Variants in EHMT1 observed in about 807,000 individuals in gnomAD.
EHMT1 encodes the protein euchromatic histone lysine methyltransferase 1, also known as histone-lysine N-methyltransferase EHMT1.
EHMT1 carries 15 observed loss-of-function variants against 147.2 expected under a neutral mutation model. The observed-to-expected ratio is 0.10, with a 90% confidence interval of 0.07 to 0.16. EHMT1 has a LOEUF of 0.16. Ranked by LOEUF, EHMT1 falls within the 10% of genes least tolerant of loss-of-function variation. The probability of loss-of-function intolerance (pLI) is 1.00; values close to 1 mark genes in which losing one functional copy is unlikely to be tolerated. For missense variants in EHMT1, 1,587 were observed against 1,772.4 expected, an observed-to-expected ratio of 0.90 and a Z score of 1.88; for synonymous variants, 795 against 709.6, an observed-to-expected ratio of 1.12 and a Z score of -1.91.
chr9:137,735,258 G>A (rs1486775858), intron 4 of EHMT1, among the ~76,000 whole-genome samples: 1 of 152,214 alleles, frequency 6.6e-6, no homozygotes, highest in East Asian at 1.9e-4. Context: ...AATGAAAGGG[G>A]TGGGAACAGA....
rs1954620444 is a variant in EHMT1, at chr9:137,813,039, A to G, written c.2901A>G (p.Leu967=). 6.2e-7 allele frequency: 1 copy of G among 1,614,014 alleles called. No homozygotes were observed. Among genetic ancestry groups the G allele is most frequent in the African/African-American group, 1.3e-5 (1 of 75,042 alleles). Residue 967 remains leucine (L), a synonymous_variant, in exon 20 of 27, where the codon TTA becomes TTG. Transcript: ENST00000460843. The surrounding 1 kb of genome is among the most constrained non-coding windows in gnomAD (Gnocchi z 4.9). Reference sequence around the variant, plus strand: ...TTTCTCGGGATTCAGATGTCACCTTAAAGAACAAGGAAGGAGAGACGCCCC... The same window carrying G: ...TTTCTCGGGATTCAGATGTCACCTTGAAGAACAAGGAAGGAGAGACGCCCC... The part of the protein sequence containing the change: ...LFLSRDSDVT[L]KNKEGETPLQ...
intron 1 of EHMT1, chr9:137,667,302 G>C (rs936057098): frequency 6.6e-6 from 1 of 152,220 alleles, no homozygotes; most frequent in African/African-American, 2.4e-5. Flanking sequence ...AATGTTAGCA[G>C]CTCCACCTGG....
intron 1 of EHMT1, among the ~76,000 whole-genome samples, chr9:137,704,780 C>T (rs1383366440): frequency 6.6e-6 from 1 of 150,920 alleles, no homozygotes; most frequent in Admixed American, 6.6e-5. Flanking sequence ...TCCCTCCCTC[C>T]CGCCTGCCTT....
intron 18 of EHMT1, among the ~76,000 whole-genome samples, chr9:137,806,079 C>G (rs1247318301): frequency 6.6e-6 from 1 of 151,844 alleles, no homozygotes; most frequent in Non-Finnish European, 1.5e-5. Flanking sequence ...CCTGCCTCAG[C>G]CTCCCAAGTA....
At chr9:137,748,966 T>TG (rs746712521) in intron 6 of EHMT1, among the ~76,000 whole-genome samples, 1 of 152,146 alleles carries the variant, frequency 6.6e-6, no homozygotes, top group Non-Finnish European at 1.5e-5. Context: ...TGACAGCTGG[T>TG]GCGGCAGCCA....
chr9:137,634,783 A>G (rs1589056159), intron 1 of EHMT1, among the ~76,000 whole-genome samples: 2 of 140,950 alleles, frequency 1.4e-5, no homozygotes, highest in Non-Finnish European at 3.0e-5. Context: ...GCTCACTGCA[A>G]CCTCTGCCTT....
intron 10 of EHMT1, among the ~76,000 whole-genome samples, chr9:137,768,194 G>C (rs1950335071): frequency 6.6e-6 from 1 of 152,090 alleles, no homozygotes; most frequent in Non-Finnish European, 1.5e-5. Context: ...GTTGTTACGT[G>C]AGACATGACT....
chr9:137,767,219 A>C (rs538115386), intron 10 of EHMT1, among the ~76,000 whole-genome samples: 6 of 152,320 alleles, frequency 3.9e-5, no homozygotes, highest in Non-Finnish European at 5.9e-5. Flanking sequence ...TCCTGCACTC[A>C]AGCAACCCTC....
chr9:137,671,417 A>G (rs984245564), intron 1 of EHMT1, among the ~76,000 whole-genome samples: 12 of 152,178 alleles, frequency 7.9e-5, no homozygotes, highest in African/African-American at 2.9e-4. Flanking sequence ...ATCACTTAAG[A>G]AAACATATAG....
rs1317817084 is a variant in EHMT1 at position 137,675,884 on chromosome 9, C to T, written c.22-35083C>T. ...CTGCAAGCTCCGCCTCCCGGGTTCA[C>T]GCCATTCTCCCGCCTCAGCCTCCCA... is the stretch of plus-strand genomic sequence containing the variant. On this transcript the variant is annotated intron_variant, in intron 1 of 26. Coordinates refer to ENST00000460843, the MANE Select transcript of EHMT1 (RefSeq NM_024757.5). 6.8e-5 allele frequency among the ~76,000 whole-genome samples: 10 copies of T among 146,182 alleles called. No individual in the cohort carries two copies. The South Asian group carries it at 8.7e-4, about 13-fold the overall frequency.
At chr9:137,729,249 G>GA (rs1312472615) in intron 4 of EHMT1, among the ~76,000 whole-genome samples, 1 of 152,202 alleles carries the variant, frequency 6.6e-6, no homozygotes, top group African/African-American at 2.4e-5. Flanking sequence ...TTCACTTGGG[G>GA]ATGATCACCT....
At chr9:137,774,535 C>T (rs1247506097) in intron 10 of EHMT1, among the ~76,000 whole-genome samples, 2 of 119,102 alleles carry the variant, frequency 1.7e-5, no homozygotes, top group Non-Finnish European at 3.4e-5. Context: ...GATGTGGTCG[C>T]GTCTGGCCCC....
At chr9:137,700,044 C>A (rs1313333942) in intron 1 of EHMT1, among the ~76,000 whole-genome samples, 4 of 152,144 alleles carry the variant, frequency 2.6e-5, no homozygotes, top group Admixed American at 1.3e-4. Flanking sequence ...AAATGTATAT[C>A]ATCATGTGGA....
chr9:137,630,366 G>A (rs1404981779), intron 1 of EHMT1, among the ~76,000 whole-genome samples: 5 of 152,166 alleles, frequency 3.3e-5, no homozygotes, highest in Admixed American at 6.5e-5. Flanking sequence ...CAATTGCTGC[G>A]GCCACATGTG....
intron 1 of EHMT1, among the ~76,000 whole-genome samples, chr9:137,696,542 T>G (rs968270674): frequency 1.3e-5 from 2 of 152,166 alleles, no homozygotes; most frequent in African/African-American, 4.8e-5. Context: ...TGAAATGACG[T>G]TTTTAAATGT....
In EHMT1 at chr9:137,835,984, A is replaced by G. The variant is rs1956547656; in HGVS notation, c.*1031A>G. 1 of 152,298 alleles carries G rather than the reference A, an allele frequency of 6.6e-6. No individual in the cohort carries two copies. Among genetic ancestry groups the G allele is most frequent in the Non-Finnish European group, 1.5e-5 (1 of 67,964 alleles). The allele number at this position is 152,298 out of a possible 1,614,324, so 9.4% of individuals were successfully genotyped here. A position where few individuals can be genotyped will look rare whatever the true frequency, so the allele number is the denominator to read the frequency against. ...GTAACAGTGGGGTTTTTTTTGTGCA[A>G]CTCTTCTAAAAACATTCATAATGCA... On this transcript the variant is annotated 3_prime_UTR_variant, in exon 27 of 27. Coordinates refer to ENST00000460843, the MANE Select transcript of EHMT1 (RefSeq NM_024757.5).
chr9:137,721,492 ACC>A (rs1946033167), intron 3 of EHMT1, among the ~76,000 whole-genome samples: 1 of 44,600 alleles, frequency 2.2e-5, no homozygotes, highest in African/African-American at 1.1e-4. Context: ...CACGCCTCTC[ACC>A]TTCTCACACG....
intron 1 of EHMT1, among the ~76,000 whole-genome samples, chr9:137,648,255 G>C (rs1305337547): frequency 6.6e-6 from 1 of 152,064 alleles, no homozygotes; most frequent in Non-Finnish European, 1.5e-5. Context: ...AATTAAATCT[G>C]AACACCTAGA....
chr9:137,655,042 A>G (rs952628767), intron 1 of EHMT1, among the ~76,000 whole-genome samples: 69 of 151,092 alleles, frequency 4.6e-4, no homozygotes, highest in African/African-American at 1.5e-3. Flanking sequence ...CTTGCCACCC[A>G]GGCTGGAGTG....
Sources: gnomAD v4.1 joint callset for allele counts (sites outside exome capture counted in the v4.1 genomes callset) on GRCh38, gnomAD v4.1.1 for gene constraint, Gnocchi (gnomAD v3.1) non-coding constraint, MANE v1.5 for transcripts, NCBI Gene and HGNC (gene_info 2026-07-23, HGNC 2026-07-21) for gene names.